Variants in GRTP1 observed in about 807,000 individuals in gnomAD.
GRTP1 encodes growth hormone regulated TBC protein 1.
GRTP1 carries 56 observed loss-of-function variants against 38.1 expected under a neutral mutation model. The observed-to-expected ratio is 1.47, with a 90% CI of 1.19 to 1.84. The LOEUF is 1.84. Among genes scored for constraint, GRTP1 ranks in the 40% most tolerant of loss-of-function variants. The pLI, the probability that GRTP1 is intolerant of heterozygous loss-of-function variation, is 0.00. For synonymous variants in GRTP1, 217 were observed against 189.5 expected, an observed-to-expected ratio of 1.14 and a Z score of -1.19; for missense variants, 506 against 453.9, an observed-to-expected ratio of 1.11 and a Z score of -1.04.
Position 113,350,943 on chromosome 13 carries a change from T to C in GRTP1, c.371A>G (p.Lys124Arg). The C allele has an allele frequency of 6.2e-7, 1 of 1,613,782 alleles. No homozygotes were observed. The highest frequency in any genetic ancestry group is 1.1e-5 in the South Asian group (1 of 91,072). The change falls in exon 4 of 8, where the codon AAG (lysine) becomes AGG (arginine). Residue 124 changes from lysine to arginine, a missense_variant. Transcript: ENST00000375431. ...GCAGGGGTCCGTGGTCTTCCGGAAC[T>C]TCACGTTGTCGGGGAAGGTCCGGTT... ...DLNRTFPDNV[K>R]FRKTTDPCLQ...
At chr13:113,330,536 G>T (rs111776575) in intron 5 of GRTP1, among the ~76,000 whole-genome samples, 8 of 139,618 alleles carry the variant, frequency 5.7e-5, no homozygotes, top group African/African-American at 5.5e-5. Flanking sequence ...GGAAACCCAG[G>T]TGTGTGCATG....
chr13:113,353,249 A>G (rs1024472521), intron 3 of GRTP1, among the ~76,000 whole-genome samples: 1 of 143,556 alleles, frequency 7.0e-6, no homozygotes, highest in Non-Finnish European at 1.5e-5. Context: ...GACCCAGCAG[A>G]ATCCACACTC....
rs1265626287 is a variant in GRTP1, at chr13:113,343,983, T to A, written c.562+880A>T. ...ACTGGCCTTCACCATAACCCGTGGA[T>A]AACTTATCCACTAATAAATACACTT... On this transcript the variant is annotated intron_variant, in intron 5 of 7. Transcript: ENST00000375431. The surrounding 1 kb of genome is among the most constrained non-coding windows in gnomAD (Gnocchi z 4.8). Among the ~76,000 whole-genome samples, 6 of 152,234 alleles carry A rather than the reference T, an allele frequency of 3.9e-5. No homozygotes were observed. Among genetic ancestry groups the A allele is most frequent in the Non-Finnish European group, 2.9e-5 (2 of 68,032 alleles).
intron 5 of GRTP1, among the ~76,000 whole-genome samples, chr13:113,335,505 T>A (rs1474979739): frequency 6.6e-6 from 1 of 152,108 alleles, no homozygotes; most frequent in Non-Finnish European, 1.5e-5. Context: ...CCAAATCTTC[T>A]CTTCTAGCTA....
rs2043211513 is a variant in GRTP1 at position 113,348,770 on chromosome 13, G to A, written c.465+2079C>T. Among the ~76,000 whole-genome samples the A allele has an allele frequency of 6.6e-6, 1 of 152,184 alleles. No individual in the cohort carries two copies. The highest frequency in any genetic ancestry group is 1.5e-5 in the Non-Finnish European group (1 of 68,030). On this transcript the variant is annotated intron_variant, in intron 4 of 7. Coordinates refer to ENST00000375431, the MANE Select transcript of GRTP1 (RefSeq NM_024719.4). The surrounding 1 kb of genome is among the most constrained non-coding windows in gnomAD (Gnocchi z 4.8). ...CCAGCAGAACCAGGGCAAGGCCTGGGACAGTCCGTCCGTCACAGCCTCAGA... is the reference window on the plus strand; with the variant it reads ...CCAGCAGAACCAGGGCAAGGCCTGGAACAGTCCGTCCGTCACAGCCTCAGA...
rs1318500068 is a variant in GRTP1 at position 113,355,465 on chromosome 13, C to G, written c.198G>C (p.Arg66=). 2 of 1,612,030 alleles carry G rather than the reference C, an allele frequency of 1.2e-6. No individual in the cohort carries two copies. Among genetic ancestry groups the G allele is most frequent in the South Asian group, 1.1e-5 (1 of 91,002 alleles). The change falls in exon 3 of 8, where the codon CGG becomes CGC. Residue 66 remains arginine (R), a synonymous_variant. Coordinates refer to ENST00000375431, the MANE Select transcript of GRTP1 (RefSeq NM_024719.4). ...PRSRTVKRYV[R]KGVPLEHRAR... is the part of the protein sequence containing the mutation. ...CACGGTGCTCCAGCGGGACCCCTTT[C>G]CGGACATAGCGCTTCACTGAAGGCC...
chr13:113,346,311 A>T lies in GRTP1; in HGVS notation c.466-1352T>A, dbSNP rs1434006755. ...GCGGATCTGGGAGGACCTCTGTGGC[A>T]GAGAGCAGACCCGGGAGGACCTCTG... On this transcript the variant is annotated intron_variant, in intron 4 of 7. Transcript: ENST00000375431. Among the ~76,000 whole-genome samples the T allele has an allele frequency of 3.4e-3, 31 of 9,016 alleles. 4 individuals are homozygous for T. The highest frequency in any genetic ancestry group is 9.0e-3 in the East Asian group (4 of 446). 5.9% of individuals were successfully genotyped at this position (9,016 alleles called of 152,430 possible). A position where few individuals can be genotyped will look rare whatever the true frequency, so the allele number is the denominator to read the frequency against.
At chr13:113,324,758 C>G in intron 7 of GRTP1, 181 bp from the exon 8 acceptor site, 1 of 1,368,920 alleles carries the variant, frequency 7.3e-7, no homozygotes, top group South Asian at 1.8e-5. Context: ...GGGCCTAGGA[C>G]TGCAGCTTTG....
At chr13:113,358,800 T>G (rs1228294946) in intron 2 of GRTP1, among the ~76,000 whole-genome samples, 1 of 152,198 alleles carries the variant, frequency 6.6e-6, no homozygotes, top group Non-Finnish European at 1.5e-5. Context: ...ATTAGGACAC[T>G]CATATATTTG....
chr13:113,328,975 G>C (rs140322239), intron 5 of GRTP1, among the ~76,000 whole-genome samples: 1 of 149,632 alleles, frequency 6.7e-6, no homozygotes, highest in Non-Finnish European at 1.5e-5. Context: ...AATTCTCCTG[G>C]TTCCCTTCCC....
At chr13:113,326,532 G>A (rs1290954217) in intron 5 of GRTP1, among the ~76,000 whole-genome samples, 14 of 152,074 alleles carry the variant, frequency 9.2e-5, no homozygotes, top group Non-Finnish European at 8.8e-5. Context: ...TTAGCCAGGT[G>A]TGGTGGTGGG....
intron 5 of GRTP1, among the ~76,000 whole-genome samples, chr13:113,326,585 C>T (rs372333775): frequency 1.3e-5 from 2 of 151,950 alleles, no homozygotes; most frequent in Non-Finnish European, 2.9e-5. Context: ...GCAGGAGAAT[C>T]GCTTGAACCT....
chr13:113,330,247 G>A (rs1394180918), intron 5 of GRTP1, among the ~76,000 whole-genome samples: 9 of 146,498 alleles, frequency 6.1e-5, no homozygotes, highest in South Asian at 2.2e-4. Flanking sequence ...GTGTGTGCAT[G>A]GAAACCCAGG....
At chr13:113,357,090 T>G (rs2043403948) in intron 2 of GRTP1, among the ~76,000 whole-genome samples, 1 of 149,812 alleles carries the variant, frequency 6.7e-6, no homozygotes, top group Non-Finnish European at 1.5e-5. Context: ...GGTGGGCAGA[T>G]CACGAGGTCA....
intron 4 of GRTP1, 152 bp downstream of exon 4, chr13:113,350,697 G>A: frequency 4.2e-6 from 3 of 714,972 alleles, no homozygotes; most frequent in South Asian, 4.5e-5. Flanking sequence ...CCTCCCTGCT[G>A]GGAAATGGCG....
chr13:113,350,882 A>C lies in GRTP1; in HGVS notation c.432T>G (p.Tyr144Ter). 6.3e-7 allele frequency: 1 copy of C among 1,593,426 alleles called. No individual in the cohort carries two copies. The highest frequency in any genetic ancestry group is 8.6e-7 in the Non-Finnish European group (1 of 1,164,276). ...AGCCCACTCCCTGGTTATGGTGCCCATATGCCAGCAGCACATTGTACAGGG... is the reference window on the plus strand; with the variant it reads ...AGCCCACTCCCTGGTTATGGTGCCCCTATGCCAGCAGCACATTGTACAGGG... ...QRTLYNVLLA[Y>*]GHHNQGVGYC... Residue 144 changes from tyrosine to a stop codon, truncating the protein, a stop_gained, in exon 4 of 8, where the codon TAT becomes TAG. Coordinates refer to ENST00000375431, the MANE Select transcript of GRTP1 (RefSeq NM_024719.4). LOFTEE classifies it high-confidence loss of function.
chr13:113,345,543 C>T (rs189503282), intron 4 of GRTP1, among the ~76,000 whole-genome samples: 88 of 152,328 alleles, frequency 5.8e-4, no homozygotes, highest in Admixed American at 2.7e-3. Context: ...CAGGTGACTG[C>T]GTTTTACACG....
chr13:113,352,362 A>ATATATATATTTTTATATATATTT (rs2043300167), intron 3 of GRTP1, among the ~76,000 whole-genome samples: 1 of 80,850 alleles, frequency 1.2e-5, no homozygotes, highest in South Asian at 3.3e-4. Context: ...TATATATTTT[A>ATATATATATTTTTATATATATTT]TATATATATA....
intron 3 of GRTP1, among the ~76,000 whole-genome samples, chr13:113,354,095 C>CA (rs759160569): frequency 3.9e-5 from 6 of 152,112 alleles, no homozygotes; most frequent in Admixed American, 1.3e-4. Flanking sequence ...AAAATTCATC[C>CA]AAAAAACCAC....
Sources: allele counts gnomAD v4.1 joint callset (sites outside exome capture counted in the v4.1 genomes callset), GRCh38; gene constraint gnomAD v4.1.1; non-coding constraint Gnocchi (gnomAD v3.1); transcripts MANE v1.5; gene names NCBI Gene and HGNC (gene_info 2026-07-23, HGNC 2026-07-21).